The following RARB variants were observed in gnomAD, a reference collection of about 807,000 sequenced individuals.
RARB encodes the protein HBV-activated protein.
Under a neutral mutation model 51.9 loss-of-function variants are expected in RARB, and 17 were observed. The ratio of observed to expected loss-of-function variants is 0.33; its 90% CI spans 0.22 to 0.49. The LOEUF is 0.49. RARB is among the 20% of genes least tolerant of loss of function. The pLI, the probability that RARB is intolerant of heterozygous loss-of-function variation, is 0.99. For missense variants in RARB, 369 were observed against 550.8 expected, an observed-to-expected ratio of 0.67 and a Z score of 3.30; for synonymous variants, 215 against 195.4, an observed-to-expected ratio of 1.10 and a Z score of -0.84.
chr3:24,961,734 C>G (rs368513780), intron 2 of RARB, among the ~76,000 whole-genome samples: 31 of 152,238 alleles, frequency 2.0e-4, no homozygotes, highest in South Asian at 8.3e-4. Flanking sequence ...CTCCAAAACA[C>G]CATTGGACAA....
At chr3:25,071,596 G>A (rs938234687) in intron 3 of RARB, among the ~76,000 whole-genome samples, 1 of 152,142 alleles carries the variant, frequency 6.6e-6, no homozygotes, top group Middle Eastern at 3.2e-3. Context: ...TAGACCACAA[G>A]GTTATATATT....
intron 5 of RARB, among the ~76,000 whole-genome samples, chr3:25,347,953 C>T (rs1705443489): frequency 6.6e-6 from 1 of 152,208 alleles, no homozygotes; most frequent in Admixed American, 6.5e-5. Flanking sequence ...CTTACTACTT[C>T]CAATTAGTCT....
At chr3:24,940,292 G>T (rs540797344) in intron 2 of RARB, among the ~76,000 whole-genome samples, 3 of 152,114 alleles carry the variant, frequency 2.0e-5, no homozygotes, top group Non-Finnish European at 4.4e-5. Context: ...GAGCAGCTCG[G>T]TGGGTGGGAA....
At chr3:24,942,639 T>G (rs1413786237) in intron 2 of RARB, among the ~76,000 whole-genome samples, 1 of 152,210 alleles carries the variant, frequency 6.6e-6, no homozygotes, top group East Asian at 1.9e-4. Flanking sequence ...TATTCATCTT[T>G]GTAGTCAAGT....
intron 2 of RARB, among the ~76,000 whole-genome samples, chr3:24,869,886 A>C (rs1028337303): frequency 2.0e-5 from 3 of 152,070 alleles, no homozygotes; most frequent in African/African-American, 7.2e-5. Flanking sequence ...TGAGTATTCC[A>C]GTTGTTTTAT....
chr3:25,119,361 A>G (rs1359269695), intron 3 of RARB, among the ~76,000 whole-genome samples: 1 of 152,076 alleles, frequency 6.6e-6, no homozygotes, highest in Non-Finnish European at 1.5e-5. Context: ...ACCTTGGCAA[A>G]TTGTCTAACT....
At chr3:25,162,062 G>C (rs1433930402) in intron 4 of RARB, among the ~76,000 whole-genome samples, 1 of 152,124 alleles carries the variant, frequency 6.6e-6, no homozygotes, top group African/African-American at 2.4e-5. Context: ...CCAGGAATGG[G>C]TGTGTGGGTT....
chr3:25,219,000 C>A (rs1284826579), intron 5 of RARB, among the ~76,000 whole-genome samples: 1 of 152,146 alleles, frequency 6.6e-6, no homozygotes, highest in African/African-American at 2.4e-5. Flanking sequence ...CTGATACAGG[C>A]ACTTGAAGCT....
chr3:24,925,488 C>A (rs529781501), intron 2 of RARB, among the ~76,000 whole-genome samples: 1 of 151,634 alleles, frequency 6.6e-6, no homozygotes, highest in Admixed American at 6.6e-5. Context: ...ACAATAAATA[C>A]AAAATTTAGC....
At chr3:25,028,246 G>A (rs1697792867) in intron 2 of RARB, among the ~76,000 whole-genome samples, 1 of 152,182 alleles carries the variant, frequency 6.6e-6, no homozygotes, top group Non-Finnish European at 1.5e-5. Context: ...TGTAAATGAG[G>A]CCCTGTCATT....
chr3:25,188,681 A>G (rs1701030576), intron 5 of RARB, among the ~76,000 whole-genome samples: 2 of 152,134 alleles, frequency 1.3e-5, no homozygotes, highest in Admixed American at 1.3e-4. Context: ...AAATGTTGTT[A>G]TTATTACTAT....
intron 2 of RARB, among the ~76,000 whole-genome samples, chr3:24,906,558 G>A (rs914730347): frequency 3.3e-5 from 5 of 152,066 alleles, no homozygotes; most frequent in African/African-American, 4.8e-5. Flanking sequence ...TTAAAGCTAC[G>A]CTGGCTGGGA....
chr3:25,109,892 C>G (rs1470366820), intron 3 of RARB, among the ~76,000 whole-genome samples: 1 of 152,202 alleles, frequency 6.6e-6, no homozygotes, highest in Non-Finnish European at 1.5e-5. Context: ...GATCCCAGCC[C>G]CACAAGATAC....
At chr3:24,998,943 C>T (rs1318942738) in intron 2 of RARB, among the ~76,000 whole-genome samples, 1 of 152,076 alleles carries the variant, frequency 6.6e-6, no homozygotes, top group Non-Finnish European at 1.5e-5. Context: ...TTGCAGAAGT[C>T]ACCTGCAAAG....
intron 3 of RARB, among the ~76,000 whole-genome samples, chr3:25,075,513 G>A (rs73141440): frequency 0.065 from 9,945 of 152,144 alleles, 710 homozygotes; most frequent in African/African-American, 0.17. Flanking sequence ...TATTAAAGTA[G>A]ATAGGGAAAA....
At chr3:25,579,163 G>T (rs572206520) in intron 4 of RARB, among the ~76,000 whole-genome samples, 2 of 152,088 alleles carry the variant, frequency 1.3e-5, no homozygotes, top group South Asian at 4.1e-4. Flanking sequence ...TTTAGATAAG[G>T]TTTACACCAT....
At chr3:24,936,424 T>C (rs1211218830) in intron 2 of RARB, among the ~76,000 whole-genome samples, 1 of 152,142 alleles carries the variant, frequency 6.6e-6, no homozygotes, top group Non-Finnish European at 1.5e-5. Context: ...CAGAATGGTA[T>C]AGAGGACTGA....
intron 5 of RARB, among the ~76,000 whole-genome samples, chr3:25,391,205 G>A (rs1447017475): frequency 6.6e-6 from 1 of 151,978 alleles, no homozygotes; most frequent in Admixed American, 6.6e-5. Flanking sequence ...CTCCATCCAG[G>A]TTTCTGTAAA....
chr3:24,882,522 C>T (rs1323665438), intron 2 of RARB, among the ~76,000 whole-genome samples: 1 of 152,158 alleles, frequency 6.6e-6, no homozygotes, highest in Admixed American at 6.5e-5. Flanking sequence ...TGGGAGCAAT[C>T]CCCCATGGAT....
Sources: gnomAD v4.1 joint callset for allele counts (sites outside exome capture counted in the v4.1 genomes callset) on GRCh38, gnomAD v4.1.1 for gene constraint, MANE v1.5 for transcripts, NCBI Gene and HGNC (gene_info 2026-07-23, HGNC 2026-07-21) for gene names.